Variants in SGCZ observed in about 807,000 individuals in gnomAD.
The protein encoded by SGCZ is sarcoglycan zeta.
Under a neutral mutation model 41.3 loss-of-function variants are expected in SGCZ, and 40 were observed. The observed-to-expected ratio is 0.97, with a 90% CI of 0.75 to 1.26. The LOEUF (loss-of-function observed/expected upper bound fraction) is 1.26. SGCZ is among the 50% of genes most tolerant of loss of function. The probability of loss-of-function intolerance (pLI) is 0.00; values close to 1 mark genes in which losing one functional copy is unlikely to be tolerated. For synonymous variants in SGCZ, 206 were observed against 137.5 expected (o/e 1.50, Z -3.49); for missense variants, 552 against 369.8 (o/e 1.49, Z -4.04).
chr8:14,803,301 T>C (rs999208129), intron 1 of SGCZ, among the ~76,000 whole-genome samples: 1 of 152,092 alleles, frequency 6.6e-6, no homozygotes, highest in Admixed American at 6.5e-5. Flanking sequence ...GATTTCTGCA[T>C]TTCCATCTGA....
chr8:14,463,889 T>C (rs1360179536), intron 2 of SGCZ, among the ~76,000 whole-genome samples: 1 of 146,466 alleles, frequency 6.8e-6, no homozygotes, highest in Non-Finnish European at 1.5e-5. Context: ...CATGTGTTTT[T>C]CTGCCTTCAT....
chr8:14,797,281 T>C (rs547789239), intron 1 of SGCZ, among the ~76,000 whole-genome samples: 1 of 152,184 alleles, frequency 6.6e-6, no homozygotes, highest in East Asian at 1.9e-4. Flanking sequence ...TAGAGACTTG[T>C]TGAATGACTT....
intron 1 of SGCZ, among the ~76,000 whole-genome samples, chr8:14,643,573 A>C (rs986995161): frequency 6.6e-6 from 1 of 151,576 alleles, no homozygotes; most frequent in African/African-American, 2.4e-5. Context: ...AATCCATGGC[A>C]AGACAATAAA....
At chr8:14,206,898 G>A (rs964916937) in intron 4 of SGCZ, among the ~76,000 whole-genome samples, 2 of 152,062 alleles carry the variant, frequency 1.3e-5, no homozygotes, top group African/African-American at 4.8e-5. Context: ...GAACACCTGG[G>A]AATAGACCTG....
intron 5 of SGCZ, among the ~76,000 whole-genome samples, chr8:14,160,817 G>C (rs975273794): frequency 2.0e-5 from 3 of 152,094 alleles, no homozygotes; most frequent in Admixed American, 6.6e-5. Context: ...AGCTACGCTA[G>C]GTCTGTGAAT....
intron 3 of SGCZ, among the ~76,000 whole-genome samples, chr8:14,272,370 C>T (rs533359605): frequency 7.2e-4 from 110 of 152,262 alleles, no homozygotes; most frequent in African/African-American, 2.6e-3. Flanking sequence ...ACGGACTTTT[C>T]CTGAGACAGT....
In SGCZ at chr8:14,318,942, A is replaced by C. The variant is rs536778967; in HGVS notation, c.336+5161T>G. Among the ~76,000 whole-genome samples the C allele has an allele frequency of 1.6e-3, 236 of 151,286 alleles. 1 individual carries two copies. The highest frequency in any genetic ancestry group is 2.0e-3 in the Non-Finnish European group (135 of 67,784). ...AAATTCTGAGATTCACTATTATACA[A>C]AAAAAAATATGAATTAGAGAGCGTA... is the stretch of plus-strand genomic sequence containing the variant. On this transcript the variant is annotated intron_variant, in intron 3 of 7. Coordinates refer to ENST00000382080, the MANE Select transcript of SGCZ (RefSeq NM_139167.4).
rs565321871 is a variant in SGCZ, at chr8:14,304,031, C to T, written c.336+20072G>A. Among the ~76,000 whole-genome samples, 9 of 152,136 alleles carry T rather than the reference C, an allele frequency of 5.9e-5. No homozygotes were observed. The East Asian group carries it at 9.8e-4, about 16-fold the overall frequency. Reference sequence around the variant, plus strand: ...CCTCCCAAAGTGCTAGGATTGCAGGCGTGAGCCACTGCACCCGGCCAGTTT... The same window carrying T: ...CCTCCCAAAGTGCTAGGATTGCAGGTGTGAGCCACTGCACCCGGCCAGTTT... On this transcript the variant is annotated intron_variant, in intron 3 of 7. Transcript: ENST00000382080.
intron 1 of SGCZ, among the ~76,000 whole-genome samples, chr8:14,600,970 C>A (rs187889778): frequency 8.6e-5 from 13 of 150,864 alleles, no homozygotes; most frequent in Admixed American, 5.3e-4. Flanking sequence ...CCATACATTT[C>A]CTTATACTTT....
At chr8:14,421,575 A>G (rs1405183909) in intron 2 of SGCZ, among the ~76,000 whole-genome samples, 1 of 152,042 alleles carries the variant, frequency 6.6e-6, no homozygotes, top group African/African-American at 2.4e-5. Flanking sequence ...GACACAATCA[A>G]CCTATGGTGG....
chr8:15,023,654 T>C (rs529814716), intron 1 of SGCZ, among the ~76,000 whole-genome samples: 110 of 152,304 alleles, frequency 7.2e-4, no homozygotes, highest in African/African-American at 2.5e-3. Flanking sequence ...ATTTTTTAAA[T>C]ATTGGCATGC....
chr8:14,551,033 GTATTCT>G (rs1023478695), intron 2 of SGCZ, among the ~76,000 whole-genome samples: 3 of 150,868 alleles, frequency 2.0e-5, no homozygotes, highest in African/African-American at 7.3e-5. Flanking sequence ...CCAGGTCTGG[GTATTCT>G]TGACTTCTCT....
chr8:14,942,211 C>T (rs957762323), intron 1 of SGCZ, among the ~76,000 whole-genome samples: 16 of 152,144 alleles, frequency 1.1e-4, no homozygotes, highest in Admixed American at 7.2e-4. Context: ...AAAGGACCTA[C>T]CCTCATGGAA....
At chr8:14,459,911 A>G (rs1372643521) in intron 2 of SGCZ, among the ~76,000 whole-genome samples, 1 of 152,198 alleles carries the variant, frequency 6.6e-6, no homozygotes, top group Non-Finnish European at 1.5e-5. Flanking sequence ...GAGTCAAGCC[A>G]TAAAAAGACA....
intron 1 of SGCZ, among the ~76,000 whole-genome samples, chr8:15,084,882 A>T (rs2131051787): frequency 6.6e-6 from 1 of 152,296 alleles, no homozygotes; most frequent in African/African-American, 2.4e-5. Context: ...AACATTGATA[A>T]GTTGAAGACT....
chr8:14,136,005 G>C (rs1178090465), intron 5 of SGCZ, among the ~76,000 whole-genome samples: 1 of 151,982 alleles, frequency 6.6e-6, no homozygotes, highest in Non-Finnish European at 1.5e-5. Context: ...ACCCAAACCA[G>C]ACCAAAAAAA....
intron 1 of SGCZ, among the ~76,000 whole-genome samples, chr8:14,953,053 G>A (rs1338613821): frequency 6.6e-6 from 1 of 152,050 alleles, no homozygotes; most frequent in Non-Finnish European, 1.5e-5. Context: ...CATACACAGG[G>A]ATAAAACAAA....
chr8:14,969,523 T>C (rs1801226240), intron 1 of SGCZ, among the ~76,000 whole-genome samples: 1 of 151,996 alleles, frequency 6.6e-6, no homozygotes, highest in Non-Finnish European at 1.5e-5. Context: ...CCTCTCTTCT[T>C]GCCCCAGTCC....
intron 2 of SGCZ, among the ~76,000 whole-genome samples, chr8:14,403,500 G>A (rs1023566980): frequency 1.4e-4 from 21 of 151,904 alleles, no homozygotes; most frequent in African/African-American, 4.9e-4. Flanking sequence ...TTAGCATGAA[G>A]GTTGTTGAAT....
Sources: allele counts gnomAD v4.1 joint callset (sites outside exome capture counted in the v4.1 genomes callset), GRCh38; gene constraint gnomAD v4.1.1; transcripts MANE v1.5; gene names NCBI Gene and HGNC (gene_info 2026-07-23, HGNC 2026-07-21).